ANKEF1: variants seen among roughly 807,000 people sequenced by gnomAD.
The protein encoded by ANKEF1 is ankyrin repeat and EF-hand domain-containing protein 1.
A neutral mutation model predicts 65.1 loss-of-function variants in ANKEF1; 43 were observed. The observed-to-expected ratio is 0.66, with a 90% CI of 0.52 to 0.85. The LOEUF (loss-of-function observed/expected upper bound fraction) is 0.85, where lower values mean the gene tolerates loss of function less well. Ranked by LOEUF, ANKEF1 falls within the 40% of genes least tolerant of loss-of-function variation. ANKEF1 has a pLI of 0.00. For synonymous variants in ANKEF1, 316 were observed against 341.5 expected (o/e 0.93, Z 0.82); for missense variants, 934 against 952.9 (o/e 0.98, Z 0.26).
rs1985089191 is a variant in ANKEF1, at chr20:10,055,435, G to C, written c.2173-67G>C. On this transcript the variant is annotated intron_variant, in intron 10 of 10. Coordinates refer to ENST00000378392, the MANE Select transcript of ANKEF1 (RefSeq NM_022096.6). The stretch of plus-strand genomic sequence containing the variant: ...TAAAACTGTGTATTGAAAATTGTCT[G>C]GATATTAGCATATTTACTGGCTGTC... 4.3e-6 allele frequency: 6 copies of C among 1,411,210 alleles called. No individual in the cohort carries two copies. The Admixed American group carries it at 1.2e-4, about 27-fold the overall frequency. 87.4% of individuals were successfully genotyped at this position (1,411,210 alleles called of 1,614,324 possible). A position where few individuals can be genotyped will look rare whatever the true frequency, so the allele number is the denominator to read the frequency against.
At chr20:10,045,749 C>T in intron 6 of ANKEF1, 52 bp downstream of exon 6, 1 of 1,595,586 alleles carries the variant, frequency 6.3e-7, no homozygotes, top group Non-Finnish European at 8.6e-7. Flanking sequence ...TTACCCATGT[C>T]ATAGATAAGC....
intron 3 of ANKEF1, among the ~76,000 whole-genome samples, chr20:10,041,076 C>A (rs1450800536): frequency 4.0e-5 from 6 of 150,986 alleles, no homozygotes; most frequent in Non-Finnish European, 8.8e-5. Context: ...TGGAATTTAT[C>A]CAATTTATAG....
chr20:10,044,795 TAAC>T (rs1984413399), intron 5 of ANKEF1, among the ~76,000 whole-genome samples: 1 of 152,176 alleles, frequency 6.6e-6, no homozygotes, highest in South Asian at 2.1e-4. Flanking sequence ...CACTCGATGA[TAAC>T]AATTTAAAAC....
At chr20:10,046,037 G>T (rs767481036) in intron 6 of ANKEF1, among the ~76,000 whole-genome samples, 1 of 152,064 alleles carries the variant, frequency 6.6e-6, no homozygotes, top group Non-Finnish European at 1.5e-5. Flanking sequence ...TTGGGAGGCT[G>T]AAGCAGGTGG....
At chr20:10,035,721 C>CAAA (rs1983800516) in intron 2 of ANKEF1, 79 bp downstream of exon 2, 1 of 152,166 alleles carries the variant, frequency 6.6e-6, no homozygotes, top group Non-Finnish European at 1.5e-5. Context: ...CAACGGATTT[C>CAAA]CCCACCTCAA....
In ANKEF1 at chr20:10,057,361, T is replaced by G. The variant is rs1985230063; in HGVS notation, c.*1701T>G. The G allele has an allele frequency of 6.6e-6, 1 of 152,236 alleles. No individual in the cohort carries two copies. The highest frequency in any genetic ancestry group is 1.5e-5 in the Non-Finnish European group (1 of 68,048). The allele number at this position is 152,236 out of a possible 1,614,324, so 9.4% of individuals were successfully genotyped here. On this transcript the variant is annotated 3_prime_UTR_variant, in exon 11 of 11. Transcript: ENST00000378392. The stretch of plus-strand genomic sequence containing the variant: ...TTTGCTATTACAACTAAATTTTGTC[T>G]GTTTTGTAAGGTTTTGGTTGGTTTT...
intron 9 of ANKEF1, among the ~76,000 whole-genome samples, 185 bp from the exon 10 acceptor site, chr20:10,054,273 TAAAC>T (rs1406585164): frequency 1.3e-5 from 2 of 152,158 alleles, no homozygotes; most frequent in Non-Finnish European, 1.5e-5. Context: ...TAATTAAAGT[TAAAC>T]AAGGCAAACT....
chr20:10,045,677 G>A lies in ANKEF1; in HGVS notation c.800G>A (p.Cys267Tyr), dbSNP rs1425129225. 1.2e-6 allele frequency: 2 copies of A among 1,613,708 alleles called. No homozygotes were observed. The highest frequency in any genetic ancestry group is 1.7e-6 in the Non-Finnish European group (2 of 1,179,746). ...YAAMGGFADC[C>Y]KYIAQRGCDL... ...GCCATGGGTGGTTTTGCAGACTGCT[G>A]TAAATATATAGCTCAGCGAGGTAAA... Residue 267 changes from cysteine (C) to tyrosine (Y), a missense_variant, in exon 6 of 11, where the codon TGT becomes TAT. Transcript: ENST00000378392.
Position 10,051,704 on chromosome 20 carries a change from T to C in ANKEF1, c.1685T>C (p.Leu562Pro). Residue 562 changes from leucine (L) to proline (P), a missense_variant, in exon 8 of 11, where the codon CTT becomes CCT. Transcript: ENST00000378392. ...NATDNFLWTP[L>P]HFACHAGQQD... The stretch of plus-strand genomic sequence containing the variant: ...ACAGATAACTTTCTGTGGACTCCAC[T>C]TCATTTTGCATGCCATGCAGGCCAA... 1 of 1,613,792 alleles carries C rather than the reference T, an allele frequency of 6.2e-7. No individual in the cohort carries two copies. Among genetic ancestry groups the C allele is most frequent in the Non-Finnish European group, 8.5e-7 (1 of 1,179,816 alleles).
chr20:10,050,061 A>G lies in ANKEF1; in HGVS notation c.1492A>G (p.Ile498Val). 6.2e-7 allele frequency: 1 copy of G among 1,614,142 alleles called. No homozygotes were observed. The highest frequency in any genetic ancestry group is 2.2e-5 in the East Asian group (1 of 44,874). ...DSEKVFSNIN[I>V]ITKAGDLASL... is the part of the protein sequence containing the mutation. ...AGAGAAGGTATTTTCAAACATTAAT[A>G]TTATCACCAAAGCAGGGGATCTGGC... is the stretch of plus-strand genomic sequence containing the variant. Residue 498 changes from isoleucine to valine, a missense_variant, in exon 7 of 11, where the codon ATT (isoleucine) becomes GTT (valine). Physicochemically the swap from Ile to Val is conservative, Grantham distance 29. Transcript: ENST00000378392.
chr20:10,049,590 C>G lies in ANKEF1; in HGVS notation c.1021C>G (p.Arg341Gly). ...GTCCGTAGAACGTGAGGCTTTCCTC[C>G]GGGAAGCCTTTGCGGTTTTAGACAG... ...DWSVEREAFL[R>G]EAFAVLDRGD... is the part of the protein sequence containing the mutation. The change falls in exon 7 of 11, where the codon CGG becomes GGG. Residue 341 changes from arginine (R) to glycine (G), a missense_variant. By Grantham distance (125) the Arg-to-Gly change is moderately radical (BLOSUM62 -2). Coordinates refer to ENST00000378392, the MANE Select transcript of ANKEF1 (RefSeq NM_022096.6). 6.2e-7 allele frequency: 1 copy of G among 1,614,070 alleles called. No homozygotes were observed. The highest frequency in any genetic ancestry group is 8.5e-7 in the Non-Finnish European group (1 of 1,180,004).
chr20:10,057,552 G>A lies in ANKEF1; in HGVS notation c.*1892G>A, dbSNP rs1985241583. ...TCCCTCTACATATATGCATATGTAT[G>A]TTTAATTTTTGTCCCCGAACTATCT... On this transcript the variant is annotated 3_prime_UTR_variant, in exon 11 of 11. Coordinates refer to ENST00000378392, the MANE Select transcript of ANKEF1 (RefSeq NM_022096.6). The A allele has an allele frequency of 6.6e-6, 1 of 152,168 alleles. No homozygotes were observed. The highest frequency in any genetic ancestry group is 1.5e-5 in the Non-Finnish European group (1 of 68,026). The allele number at this position is 152,168 out of a possible 1,614,324, so 9.4% of individuals were successfully genotyped here. A position where few individuals can be genotyped will look rare whatever the true frequency, so the allele number is the denominator to read the frequency against.
At chr20:10,053,705 C>T (rs1446191325) in intron 9 of ANKEF1, among the ~76,000 whole-genome samples, 1 of 152,112 alleles carries the variant, frequency 6.6e-6, no homozygotes, top group Non-Finnish European at 1.5e-5. Flanking sequence ...TTTCATTGCC[C>T]ACCACTTCCC....
intron 5 of ANKEF1, 76 bp downstream of exon 5, chr20:10,044,619 A>C: frequency 6.6e-7 from 1 of 1,505,154 alleles, no homozygotes; most frequent in Non-Finnish European, 9.1e-7. Flanking sequence ...TTTATATGTC[A>C]TATAGAGTAC....
In ANKEF1 at chr20:10,049,488, G is replaced by T; in HGVS notation, c.919G>T (p.Glu307Ter). The T allele has an allele frequency of 6.2e-7, 1 of 1,614,168 alleles. No homozygotes were observed. Among genetic ancestry groups the T allele is most frequent in the Non-Finnish European group, 8.5e-7 (1 of 1,180,014 alleles). Residue 307 changes from glutamate (E) to a stop codon, truncating the protein, a stop_gained, in exon 7 of 11, where the codon GAG becomes TAG. Coordinates refer to ENST00000378392, the MANE Select transcript of ANKEF1 (RefSeq NM_022096.6). LOFTEE classifies it high-confidence loss of function. ...KAASKEIRRAERIANKLARPG... is the reference protein window; with the variant it reads ...KAASKEIRRA ...AGCAAGCAAAGAAATACGCCGAGCAGAGAGAATCGCTAATAAACTAGCCAG... is the reference window on the plus strand; with the variant it reads ...AGCAAGCAAAGAAATACGCCGAGCATAGAGAATCGCTAATAAACTAGCCAG...
At position 10,052,366 on chromosome 20, in the gene ANKEF1, C is replaced by T. The variant is rs577910842; in HGVS notation, c.1870+477C>T. Among the ~76,000 whole-genome samples, 232 of 152,270 alleles carry T rather than the reference C, an allele frequency of 1.5e-3. 5 individuals carry two copies. In the South Asian group the frequency reaches 0.046, roughly 30 times the overall value. On this transcript the variant is annotated intron_variant, in intron 8 of 10. Transcript: ENST00000378392. The stretch of plus-strand genomic sequence containing the variant: ...TATGACTGTTAATTACTAATAATTG[C>T]ATACCCTATAGACTTTGGGTTTCTC...
At chr20:10,054,776 C>T (rs1366631293) in intron 10 of ANKEF1, among the ~76,000 whole-genome samples, 177 bp downstream of exon 10, 2 of 152,196 alleles carry the variant, frequency 1.3e-5, no homozygotes, top group African/African-American at 4.8e-5. Flanking sequence ...CAAGTGATAG[C>T]TCCCGGCATC....
At chr20:10,042,758 G>A (rs753879229) in intron 3 of ANKEF1, among the ~76,000 whole-genome samples, 1 of 152,108 alleles carries the variant, frequency 6.6e-6, no homozygotes, top group Non-Finnish European at 1.5e-5. Flanking sequence ...AGAGGGGACC[G>A]GGGGACTTAC....
In ANKEF1 at chr20:10,057,632, T is replaced by C. The variant is rs1985245539; in HGVS notation, c.*1972T>C. ...TGATGTTCTTCACATGATGTTTTCA[T>C]ATTTGTGTGTCAGTTGAAGACATGA... On this transcript the variant is annotated 3_prime_UTR_variant, in exon 11 of 11. Coordinates refer to ENST00000378392, the MANE Select transcript of ANKEF1 (RefSeq NM_022096.6). 1 of 152,216 alleles carries C rather than the reference T, an allele frequency of 6.6e-6. No homozygotes were observed. The highest frequency in any genetic ancestry group is 2.4e-5 in the African/African-American group (1 of 41,460). 9.4% of individuals were successfully genotyped at this position (152,216 alleles called of 1,614,324 possible).
Sources: gnomAD v4.1 joint callset for allele counts (sites outside exome capture counted in the v4.1 genomes callset) on GRCh38, gnomAD v4.1.1 for gene constraint, MANE v1.5 for transcripts, NCBI Gene and HGNC (gene_info 2026-07-23, HGNC 2026-07-21) for gene names.